UGT2A1: variants seen among roughly 807,000 people sequenced by gnomAD.
The protein encoded by UGT2A1 is UDP glucuronosyltransferase family 2 member A1 complex locus, also known as UDP-glucuronosyltransferase 2A1.
In UGT2A1, 61 loss-of-function variants were observed where a neutral mutation model predicts 45.4. The observed-to-expected ratio is 1.34, with a 90% CI of 1.09 to 1.66. The LOEUF (loss-of-function observed/expected upper bound fraction) is 1.66. UGT2A1 is among the 40% of genes most tolerant of loss of function. The probability of loss-of-function intolerance (pLI) is 0.00; values close to 1 mark genes in which losing one functional copy is unlikely to be tolerated. For missense variants in UGT2A1, 649 were observed against 574.3 expected (o/e 1.13, Z -1.33); for synonymous variants, 229 against 196.2 (o/e 1.17, Z -1.40).
chr4:69,630,022 A>G (rs137907776), intron 3 of UGT2A1, among the ~76,000 whole-genome samples: 130 of 152,250 alleles, frequency 8.5e-4, no homozygotes, highest in African/African-American at 3.0e-3. Context: ...CACATGAAAA[A>G]TAATTTACTG....
At chr4:69,651,297 T>G (rs1722513025) in intron 1 of UGT2A1, among the ~76,000 whole-genome samples, 1 of 152,214 alleles carries the variant, frequency 6.6e-6, no homozygotes. Flanking sequence ...ACTGAAAAGC[T>G]AATCTGCCCT....
At chr4:69,639,421 G>A (rs539863780) in intron 2 of UGT2A1, 1 of 1,613,242 alleles carries the variant, frequency 6.2e-7, no homozygotes, top group Non-Finnish European at 8.5e-7. Context: ...GGAGAATCGG[G>A]ATTGGAGTTG....
intron 6 of UGT2A1, among the ~76,000 whole-genome samples, chr4:69,593,421 A>G (rs1718699106): frequency 6.6e-6 from 1 of 151,862 alleles, no homozygotes; most frequent in Non-Finnish European, 1.5e-5. Context: ...TAAGTAGCTA[A>G]AATTAAAACA....
chr4:69,589,482 T>C lies in UGT2A1; in HGVS notation c.1474A>G (p.Ile492Val). 1.2e-6 allele frequency: 2 copies of C among 1,614,056 alleles called. No homozygotes were observed. Among genetic ancestry groups the C allele is most frequent in the Non-Finnish European group, 1.7e-6 (2 of 1,179,996 alleles). The change falls in exon 7 of 7, where the codon ATT becomes GTT. Residue 492 changes from isoleucine to valine, a missense_variant. By Grantham distance (29) the Ile-to-Val change is conservative. Transcript: ENST00000286604. ...GTCACACAGACCAGCAAGAACCCAA[T>C]TACATCCAAAGAGTGGTACTGGAAC... ...TWFQYHSLDVIGFLLVCVTTA... is the reference protein window; with the variant it reads ...TWFQYHSLDVVGFLLVCVTTA...
intron 3 of UGT2A1, among the ~76,000 whole-genome samples, chr4:69,608,690 T>G (rs971744430): frequency 1.3e-5 from 2 of 151,706 alleles, no homozygotes; most frequent in African/African-American, 4.8e-5. Context: ...AAAAAATAAT[T>G]TATTTTATTA....
chr4:69,639,752 T>C, intron 2 of UGT2A1: 3 of 1,015,072 alleles, frequency 3.0e-6, no homozygotes, highest in East Asian at 2.9e-5. Context: ...GGTCAATTGA[T>C]CTTTAGATTA....
Position 69,588,448 on chromosome 4 carries a change from G to A in UGT2A1, c.*924C>T, listed in dbSNP as rs1181379324. ...TCCAAGTAAGCATTTTTTATTTTTTGGCATAAAATTAAACTTTTGATTACA... is the reference window on the plus strand; with the variant it reads ...TCCAAGTAAGCATTTTTTATTTTTTAGCATAAAATTAAACTTTTGATTACA... On this transcript the variant is annotated 3_prime_UTR_variant, in exon 7 of 7. Coordinates refer to ENST00000286604, the MANE Select transcript of UGT2A1 (RefSeq NM_001252275.3). 6.6e-6 allele frequency: 1 copy of A among 151,492 alleles called. No homozygotes were observed. Among genetic ancestry groups the A allele is most frequent in the Non-Finnish European group, 1.5e-5 (1 of 67,866 alleles). The allele number at this position is 151,492 out of a possible 1,614,324, so 9.4% of individuals were successfully genotyped here.
At chr4:69,589,784 A>T in intron 6 of UGT2A1, 133 bp from the exon 7 acceptor site, 1 of 1,314,232 alleles carries the variant, frequency 7.6e-7, no homozygotes, top group Admixed American at 2.8e-5. Flanking sequence ...TCTTGCATGA[A>T]CTTTGTTAGT....
At chr4:69,632,057 T>C (rs1368056874) in intron 3 of UGT2A1, among the ~76,000 whole-genome samples, 1 of 152,218 alleles carries the variant, frequency 6.6e-6, no homozygotes, top group Non-Finnish European at 1.5e-5. Flanking sequence ...ACTTATGTGA[T>C]GTATATTAAC....
At chr4:69,614,658 T>C (rs923484875) in intron 3 of UGT2A1, among the ~76,000 whole-genome samples, 2 of 151,870 alleles carry the variant, frequency 1.3e-5, no homozygotes, top group Admixed American at 6.6e-5. Context: ...GACACAGAAA[T>C]AAATCTGTAC....
At chr4:69,599,443 G>T in intron 3 of UGT2A1, 49 bp from the exon 4 acceptor site, 1 of 1,584,616 alleles carries the variant, frequency 6.3e-7, no homozygotes, top group Non-Finnish European at 8.5e-7. Flanking sequence ...TTATATGTTT[G>T]CTGAGGAGAA....
chr4:69,639,471 T>C (rs1304847764), intron 2 of UGT2A1: 1 of 1,613,014 alleles, frequency 6.2e-7, no homozygotes, highest in African/African-American at 1.3e-5. Context: ...AGTCACATTG[T>C]GATTTCTTTG....
At chr4:69,606,689 A>C (rs1560474581) in intron 3 of UGT2A1, among the ~76,000 whole-genome samples, 1 of 136,820 alleles carries the variant, frequency 7.3e-6, no homozygotes, top group Non-Finnish European at 1.6e-5. Context: ...TCTCAGCCCA[A>C]AATCTCCTTA....
intron 2 of UGT2A1, 34 bp from the exon 3 acceptor site, chr4:69,635,856 A>C (rs1223633211): frequency 7.6e-6 from 1 of 131,440 alleles, no homozygotes; most frequent in Non-Finnish European, 1.6e-5. Flanking sequence ...AAAAAGAGAG[A>C]GAGAGAGAGA....
At chr4:69,629,684 A>G (rs1171421584) in intron 3 of UGT2A1, among the ~76,000 whole-genome samples, 1 of 152,094 alleles carries the variant, frequency 6.6e-6, no homozygotes, top group Non-Finnish European at 1.5e-5. Flanking sequence ...TAAATCCTGT[A>G]CAACTCTACT....
chr4:69,630,296 G>A (rs1416506574), intron 3 of UGT2A1, among the ~76,000 whole-genome samples: 1 of 151,880 alleles, frequency 6.6e-6, no homozygotes, highest in Non-Finnish European at 1.5e-5. Flanking sequence ...ATATGCAACA[G>A]GGTCTTTAAG....
intron 6 of UGT2A1, among the ~76,000 whole-genome samples, chr4:69,591,117 C>A (rs1369451606): frequency 6.6e-6 from 1 of 151,908 alleles, no homozygotes; most frequent in Admixed American, 6.6e-5. Flanking sequence ...CATTTTTTTG[C>A]ATCAATAGTT....
At chr4:69,607,400 C>T (rs1041003897) in intron 3 of UGT2A1, among the ~76,000 whole-genome samples, 1 of 151,848 alleles carries the variant, frequency 6.6e-6, no homozygotes. Context: ...CTTCCTTACA[C>T]CTTATACAAA....
chr4:69,630,910 G>A (rs1721344171), intron 3 of UGT2A1, among the ~76,000 whole-genome samples: 1 of 151,398 alleles, frequency 6.6e-6, no homozygotes, highest in Admixed American at 6.6e-5. Context: ...GAATTACACT[G>A]TGGTGTGTGC....
Sources: allele counts gnomAD v4.1 joint callset (sites outside exome capture counted in the v4.1 genomes callset), GRCh38; gene constraint gnomAD v4.1.1; transcripts MANE v1.5; gene names NCBI Gene and HGNC (gene_info 2026-07-23, HGNC 2026-07-21).